NEK1: variants seen among roughly 807,000 people sequenced by gnomAD.
The protein encoded by NEK1 is serine/threonine-protein kinase Nek1.
Under a neutral mutation model 182.1 loss-of-function variants are expected in NEK1, and 137 were observed. The ratio of observed to expected loss-of-function variants is 0.75; its 90% CI spans 0.65 to 0.87. The LOEUF is 0.87. Among genes scored for constraint, NEK1 ranks in the 40% least tolerant of loss-of-function variants. The pLI, the probability that NEK1 is intolerant of heterozygous loss-of-function variation, is 0.00. For synonymous variants in NEK1, 513 were observed against 492.2 expected (o/e 1.04, Z -0.56); for missense variants, 1,391 against 1,494.4 (o/e 0.93, Z 1.14).
At chr4:169,452,931 A>C (rs1267019911) in intron 27 of NEK1, among the ~76,000 whole-genome samples, 1 of 152,186 alleles carries the variant, frequency 6.6e-6, no homozygotes, top group Non-Finnish European at 1.5e-5. Flanking sequence ...TCAGCCCCAA[A>C]TTTCCTTAAG....
intron 19 of NEK1, among the ~76,000 whole-genome samples, chr4:169,526,644 T>C (rs542480077): frequency 1.3e-5 from 2 of 152,370 alleles, no homozygotes; most frequent in African/African-American, 2.4e-5. Context: ...TTAATAAATA[T>C]ACTGTTCAAA....
intron 4 of NEK1, 79 bp downstream of exon 4, chr4:169,601,929 C>A (rs1560788936): frequency 2.0e-6 from 2 of 1,010,716 alleles, no homozygotes; most frequent in East Asian, 2.4e-5. Flanking sequence ...AAAATGGTAT[C>A]TTTTTCCTAA....
At chr4:169,477,623 T>C in intron 24 of NEK1, 126 bp from the exon 25 acceptor site, 1 of 661,606 alleles carries the variant, frequency 1.5e-6, no homozygotes, top group South Asian at 2.4e-5. Flanking sequence ...TTTATTCCTA[T>C]AAAATGTTAA....
rs771408587 is a variant in NEK1 at position 169,426,243 on chromosome 4, G to A, written c.2886-9C>T. ...TGATCCTATCTGCCGACCTGCCACA[G>A]ATGGGTACACCAATTAAAAACACAC... On this transcript the variant is annotated splice_polypyrimidine_tract_variant and intron_variant, in intron 29 of 35. Transcript: ENST00000507142. The A allele has an allele frequency of 7.5e-6, 12 of 1,610,236 alleles. No homozygotes were observed. Among genetic ancestry groups the A allele is most frequent in the Non-Finnish European group, 1.0e-5 (12 of 1,177,644 alleles).
chr4:169,430,852 T>C (rs1245819189), intron 29 of NEK1, among the ~76,000 whole-genome samples: 1 of 149,916 alleles, frequency 6.7e-6, no homozygotes, highest in Non-Finnish European at 1.5e-5. Flanking sequence ...AAAAAAAAAA[T>C]TGTTGGGGGT....
Position 169,401,820 on chromosome 4 carries a change from C to A in NEK1, c.3415G>T (p.Ala1139Ser). ...TCCCTAAGTAACTGTTCCATCGAGG[C>A]CTGCAGCTCTTGTAAATCTGTGTCA... ...ETDTDLQELQ[A>S]SMEQLLREQP... Residue 1139 changes from alanine (A) to serine (S), a missense_variant, in exon 33 of 36, where the codon GCC (alanine) becomes TCC (serine). This residue lies in a region of NEK1 where 1,216 missense variants were observed against 1,277.6 expected (regional missense o/e 0.95). Coordinates refer to ENST00000507142, the MANE Select transcript of NEK1 (RefSeq NM_001199397.3). 1 of 1,613,374 alleles carries A rather than the reference C, an allele frequency of 6.2e-7. No individual in the cohort carries two copies. The highest frequency in any genetic ancestry group is 8.5e-7 in the Non-Finnish European group (1 of 1,179,610).
intron 31 of NEK1, among the ~76,000 whole-genome samples, chr4:169,421,010 G>T (rs796472511): frequency 5.5e-4 from 83 of 152,256 alleles, no homozygotes; most frequent in African/African-American, 1.9e-3. Flanking sequence ...GAGCAGTAAA[G>T]AATGTATATA....
At chr4:169,467,917 G>A (rs528810183) in intron 26 of NEK1, among the ~76,000 whole-genome samples, 1 of 151,876 alleles carries the variant, frequency 6.6e-6, no homozygotes, top group African/African-American at 2.4e-5. Flanking sequence ...TTATTTTAAA[G>A]GATTAAAAAT....
At chr4:169,531,533 G>A (rs1321648464) in intron 19 of NEK1, among the ~76,000 whole-genome samples, 1 of 151,534 alleles carries the variant, frequency 6.6e-6, no homozygotes, top group Non-Finnish European at 1.5e-5. Context: ...CTATAGGAGA[G>A]TACCGGTAAA....
chr4:169,525,906 C>T (rs932091717), intron 19 of NEK1, among the ~76,000 whole-genome samples: 10 of 152,170 alleles, frequency 6.6e-5, no homozygotes, highest in African/African-American at 2.4e-4. Flanking sequence ...GGCATTACTA[C>T]GTGATCTTGG....
rs6818477 is a variant in NEK1 at position 169,483,812 on chromosome 4, G to C, written c.2008-4278C>G. The stretch of plus-strand genomic sequence containing the variant: ...ACCCGTGAGGCAGAGGTTGCAGTGA[G>C]CCGAGACTGTGCCACTGCACTCCAG... On this transcript the variant is annotated intron_variant, in intron 23 of 35. Transcript: ENST00000507142. Among the ~76,000 whole-genome samples, 7 of 144,602 alleles carry C rather than the reference G, an allele frequency of 4.8e-5. No individual in the cohort carries two copies. The Admixed American group carries it at 5.0e-4, about 10-fold the overall frequency. The allele number at this position is 144,602 out of a possible 152,430, so 94.9% of individuals were successfully genotyped here.
At chr4:169,550,233 CTT>C (rs111405370) in intron 18 of NEK1, among the ~76,000 whole-genome samples, 18,530 of 152,150 alleles carry the variant, frequency 0.12, 1,238 homozygotes, top group East Asian at 0.17. Context: ...TGCTCTCTCT[CTT>C]GTCTGCTGCA....
intron 2 of NEK1, among the ~76,000 whole-genome samples, chr4:169,607,006 G>T (rs937093027): frequency 6.6e-5 from 10 of 152,126 alleles, no homozygotes; most frequent in African/African-American, 2.4e-4. Context: ...CAGAGTTCAG[G>T]GCTACCAAAA....
At chr4:169,480,780 T>C (rs1240277300) in intron 23 of NEK1, among the ~76,000 whole-genome samples, 3 of 152,224 alleles carry the variant, frequency 2.0e-5, no homozygotes, top group Non-Finnish European at 4.4e-5. Flanking sequence ...AGGTCCACTA[T>C]ATTGCCTAGG....
Position 169,576,997 on chromosome 4 carries a change from T to C in NEK1, c.951A>G (p.Ile317Met). Reference protein sequence around the residue: ...KITKPAAKYGIPLAYKKYGDK... With the variant: ...KITKPAAKYGMPLAYKKYGDK... The stretch of plus-strand genomic sequence containing the variant: ...CTCCATATTTCTTATATGCTAAAGG[T>C]ATTCCATATTTAGCGGCAGGCTTTG... The change falls in exon 12 of 36, where the codon ATA becomes ATG. Residue 317 changes from isoleucine to methionine, a missense_variant. By Grantham distance (10) the Ile-to-Met change is conservative. Transcript: ENST00000507142. 1 of 1,613,360 alleles carries C rather than the reference T, an allele frequency of 6.2e-7. No homozygotes were observed. Among genetic ancestry groups the C allele is most frequent in the Non-Finnish European group, 8.5e-7 (1 of 1,179,510 alleles).
At chr4:169,545,201 C>G (rs1760199339) in intron 18 of NEK1, among the ~76,000 whole-genome samples, 1 of 117,900 alleles carries the variant, frequency 8.5e-6, no homozygotes, top group South Asian at 3.4e-4. Flanking sequence ...TATCCCTCCC[C>G]CCTCCCCCCA....
chr4:169,490,888 A>T (rs1749936148), intron 23 of NEK1, among the ~76,000 whole-genome samples: 1 of 152,130 alleles, frequency 6.6e-6, no homozygotes, highest in Admixed American at 6.5e-5. Context: ...TCACGCCTGT[A>T]ATCCCAGCAC....
Position 169,599,103 on chromosome 4 carries a change from A to G in NEK1, c.309T>C (p.Asp103=), listed in dbSNP as rs760763407. 2 of 1,612,202 alleles carry G rather than the reference A, an allele frequency of 1.2e-6. No homozygotes were observed. The highest frequency in any genetic ancestry group is 2.7e-5 in the African/African-American group (2 of 75,018). The part of the protein sequence containing the change: ...NAQKGVLFQE[D]QILDWFVQIC... ...AATTTCCTAAATGCAAACTTACCTG[A>G]TCCTCTTGAAACAAAACGCCTTTCT... Residue 103 remains aspartate, a synonymous_variant, in exon 5 of 36, where the codon GAT becomes GAC. Transcript: ENST00000507142.
chr4:169,551,824 C>T (rs900691171), intron 18 of NEK1, among the ~76,000 whole-genome samples: 1 of 151,602 alleles, frequency 6.6e-6, no homozygotes, highest in East Asian at 1.9e-4. Flanking sequence ...TGTGATTTTT[C>T]TTCAGGTTTT....
Sources: allele counts gnomAD v4.1 joint callset (sites outside exome capture counted in the v4.1 genomes callset), GRCh38; gene constraint gnomAD v4.1.1; regional missense constraint gnomAD v4.1.1; transcripts MANE v1.5; gene names NCBI Gene and HGNC (gene_info 2026-07-23, HGNC 2026-07-21).